Variants in MAD1L1 observed in about 807,000 individuals in gnomAD.
The protein encoded by MAD1L1 is mitotic spindle assembly checkpoint protein MAD1.
A neutral mutation model predicts 96.9 loss-of-function variants in MAD1L1; 95 were observed. The observed-to-expected ratio is 0.98, with a 90% CI of 0.83 to 1.16. MAD1L1 has a LOEUF of 1.16. MAD1L1 is among the 50% of genes most tolerant of loss of function. The pLI, the probability that MAD1L1 is intolerant of heterozygous loss-of-function variation, is 0.00. For synonymous variants in MAD1L1, 473 were observed against 396.6 expected, an observed-to-expected ratio of 1.19 and a Z score of -2.29; for missense variants, 1,007 against 954.4, an observed-to-expected ratio of 1.06 and a Z score of -0.73.
intron 16 of MAD1L1, among the ~76,000 whole-genome samples, chr7:1,954,862 G>A (rs1412485782): frequency 6.6e-6 from 1 of 152,116 alleles, no homozygotes; most frequent in Non-Finnish European, 1.5e-5. Context: ...TGCAGTCCAG[G>A]AGCCCCGCCC....
intron 11 of MAD1L1, among the ~76,000 whole-genome samples, chr7:2,144,304 C>G (rs890331159): frequency 1.3e-5 from 2 of 152,250 alleles, no homozygotes; most frequent in Non-Finnish European, 2.9e-5. Flanking sequence ...CAAACACTGA[C>G]TGCTCTCAGC....
rs143760353 is a variant in MAD1L1, at chr7:2,066,969, G to A, written c.1218+2225C>T. On this transcript the variant is annotated intron_variant, in intron 12 of 18. Transcript: ENST00000265854. ...CAAGGGATGAGCCTCAGCTGAGGCC[G>A]GGCGGGGCTGCCCTCCTGTGGGGGC... 4.2e-3 allele frequency among the ~76,000 whole-genome samples: 643 copies of A among 152,340 alleles called. 4 individuals are homozygous for A. Among genetic ancestry groups the A allele is most frequent in the African/African-American group, 0.014 (592 of 41,574 alleles).
At chr7:1,909,235 G>A (rs1787862157) in intron 17 of MAD1L1, among the ~76,000 whole-genome samples, 1 of 152,198 alleles carries the variant, frequency 6.6e-6, no homozygotes, top group African/African-American at 2.4e-5. Flanking sequence ...GGAAGCCAGT[G>A]GAGGCCCAGG....
intron 18 of MAD1L1, among the ~76,000 whole-genome samples, chr7:1,843,168 G>A (rs1442300176): frequency 6.6e-6 from 1 of 152,178 alleles, no homozygotes; most frequent in Admixed American, 6.5e-5. Flanking sequence ...GGGTCTGGGT[G>A]CCCTCGTTGC....
intron 12 of MAD1L1, among the ~76,000 whole-genome samples, chr7:2,015,718 T>C (rs1782509531): frequency 1.3e-5 from 2 of 152,342 alleles, no homozygotes; most frequent in South Asian, 4.1e-4. Context: ...CCGCCCTGCG[T>C]GAGCCCACAG....
At chr7:1,916,583 C>G (rs754839295) in intron 17 of MAD1L1, among the ~76,000 whole-genome samples, 3 of 152,190 alleles carry the variant, frequency 2.0e-5, no homozygotes, top group Non-Finnish European at 4.4e-5. Flanking sequence ...AAGGAAGGGA[C>G]TCGACTTAGC....
chr7:2,227,058 C>T lies in MAD1L1; in HGVS notation c.151-1508G>A, dbSNP rs192190607. Among the ~76,000 whole-genome samples, 240 of 151,112 alleles carry T rather than the reference C, an allele frequency of 1.6e-3. 2 individuals are homozygous for T. Among genetic ancestry groups the T allele is most frequent in the African/African-American group, 4.8e-3 (198 of 41,134 alleles). On this transcript the variant is annotated intron_variant, in intron 3 of 18. Coordinates refer to ENST00000265854, the MANE Select transcript of MAD1L1 (RefSeq NM_001013836.2). The stretch of plus-strand genomic sequence containing the variant: ...TCTGTAATCCCAGCAGTTCGGGGGG[C>T]CAAGGTGGGTACATAACTTGAGGTC...
intron 11 of MAD1L1, among the ~76,000 whole-genome samples, chr7:2,078,233 C>T (rs1785472538): frequency 6.6e-6 from 1 of 152,202 alleles, no homozygotes; most frequent in African/African-American, 2.4e-5. Context: ...CTGGGACCTA[C>T]AGGGTTGAGA....
chr7:1,886,270 C>T (rs978634059), intron 18 of MAD1L1, among the ~76,000 whole-genome samples: 1 of 152,226 alleles, frequency 6.6e-6, no homozygotes, highest in Admixed American at 6.5e-5. Flanking sequence ...CTGATCTGTG[C>T]AAGATCAGTG....
At chr7:2,184,353 C>T (rs959962188) in intron 10 of MAD1L1, among the ~76,000 whole-genome samples, 4 of 151,816 alleles carry the variant, frequency 2.6e-5, no homozygotes, top group Non-Finnish European at 4.4e-5. Context: ...AAGTCGGTAA[C>T]GCCACACAAC....
chr7:2,051,756 A>C (rs1025574731), intron 12 of MAD1L1, among the ~76,000 whole-genome samples: 1,015 of 23,906 alleles, frequency 0.042, no homozygotes, highest in Admixed American at 0.047. Context: ...ACCCCCCACC[A>C]CCCCCACCAG....
At chr7:2,163,326 A>G (rs950010641) in intron 10 of MAD1L1, among the ~76,000 whole-genome samples, 3 of 152,032 alleles carry the variant, frequency 2.0e-5, no homozygotes, top group African/African-American at 7.3e-5. Context: ...GTTTTCAAAG[A>G]AACTTTCCTT....
At chr7:2,116,964 G>T (rs556022760) in intron 11 of MAD1L1, among the ~76,000 whole-genome samples, 121 of 152,244 alleles carry the variant, frequency 7.9e-4, no homozygotes, top group Admixed American at 2.1e-3. Flanking sequence ...CACCCAGCAT[G>T]GCACAGCACT....
chr7:1,903,661 G>A (rs1356884212), intron 17 of MAD1L1, among the ~76,000 whole-genome samples: 2 of 141,756 alleles, frequency 1.4e-5, no homozygotes, highest in African/African-American at 5.6e-5. Flanking sequence ...CAGTGAGGAC[G>A]CAGTGGCCTA....
chr7:1,986,883 A>G (rs1299701697), intron 14 of MAD1L1, among the ~76,000 whole-genome samples: 1 of 152,050 alleles, frequency 6.6e-6, no homozygotes, highest in East Asian at 1.9e-4. Flanking sequence ...CAGAGTAGCC[A>G]ATGCCTGCCC....
At chr7:2,178,710 A>G (rs1791052960) in intron 10 of MAD1L1, among the ~76,000 whole-genome samples, 1 of 152,172 alleles carries the variant, frequency 6.6e-6, no homozygotes, top group South Asian at 2.1e-4. Context: ...AAGCCTGGCC[A>G]ACATGGCGAA....
Position 1,966,857 on chromosome 7 carries a change from C to CT in MAD1L1, c.1506-9139dup, listed in dbSNP as rs570759582. Among the ~76,000 whole-genome samples the CT allele has an allele frequency of 1.7e-3, 257 of 152,344 alleles. 1 individual carries two copies. The highest frequency in any genetic ancestry group is 6.0e-3 in the African/African-American group (251 of 41,586). On this transcript the variant is annotated intron_variant, in intron 15 of 18. Transcript: ENST00000265854. ...GCGCTGCGTGCGCAGGGCAGAGCTC[C>CT]TTCAGGAACACGAGAGGAATAAAGA...
intron 11 of MAD1L1, among the ~76,000 whole-genome samples, chr7:2,072,661 C>T (rs1169172468): frequency 6.6e-6 from 1 of 152,230 alleles, no homozygotes; most frequent in Non-Finnish European, 1.5e-5. Flanking sequence ...AAGAACGCCA[C>T]CATTCCCTGT....
intron 12 of MAD1L1, among the ~76,000 whole-genome samples, chr7:2,042,779 G>A (rs115216817): frequency 0.011 from 1,609 of 152,272 alleles, 26 homozygotes; most frequent in African/African-American, 0.036. Flanking sequence ...AGATGCCGGC[G>A]CTGTGCTTCC....
Sources: allele counts gnomAD v4.1 joint callset (sites outside exome capture counted in the v4.1 genomes callset), GRCh38; gene constraint gnomAD v4.1.1; transcripts MANE v1.5; gene names NCBI Gene and HGNC (gene_info 2026-07-23, HGNC 2026-07-21).